The following CLCN7 variants were observed in gnomAD, a reference collection of about 807,000 sequenced individuals.
CLCN7 encodes the protein Cl-/H+ antiporter 7.
In CLCN7, 60 loss-of-function variants were observed where a neutral mutation model predicts 102.1. The observed-to-expected ratio is 0.59, with a 90% CI of 0.48 to 0.73. CLCN7 has a LOEUF of 0.73. Ranked by LOEUF, CLCN7 falls within the 30% of genes least tolerant of loss-of-function variation. CLCN7 has a pLI of 0.00. For synonymous variants in CLCN7, 560 were observed against 490.5 expected (o/e 1.14, Z -1.87); for missense variants, 962 against 1,125.7 (o/e 0.85, Z 2.08).
Position 1,457,520 on chromosome 16 carries a change from C to T in CLCN7, c.738+174G>A, listed in dbSNP as rs1000174399. 3.1e-4 allele frequency: 203 copies of T among 651,710 alleles called. No individual in the cohort carries two copies. Among genetic ancestry groups the T allele is most frequent in the South Asian group, 2.3e-3 (144 of 63,212 alleles). 40.4% of individuals were successfully genotyped at this position (651,710 alleles called of 1,614,324 possible). A position where few individuals can be genotyped will look rare whatever the true frequency, so the allele number is the denominator to read the frequency against. On this transcript the variant is annotated intron_variant, in intron 8 of 24. Transcript: ENST00000382745. The surrounding 1 kb of genome is among the most constrained non-coding windows in gnomAD (Gnocchi z 5.4). ...CCAGAAGGACCGGTGCTCAGAGACA[C>T]GCGTGACGCGGCCCTTCCTGGAGAC...
In CLCN7 at chr16:1,446,376, T is replaced by C. The variant is rs1596209252; in HGVS notation, c.*255A>G. Reference sequence around the variant, plus strand: ...CACACACACAGCTGATCCCTGGAGGTAAAGAAACCTAGACGAGGAGAGTGG... The same window carrying C: ...CACACACACAGCTGATCCCTGGAGGCAAAGAAACCTAGACGAGGAGAGTGG... On this transcript the variant is annotated 3_prime_UTR_variant, in exon 25 of 25. Transcript: ENST00000382745. 1.4e-6 allele frequency: 1 copy of C among 701,954 alleles called. No homozygotes were observed. The highest frequency in any genetic ancestry group is 1.7e-5 in the African/African-American group (1 of 57,232). 43.5% of individuals were successfully genotyped at this position (701,954 alleles called of 1,614,324 possible).
intron 11 of CLCN7, 99 bp from the exon 12 acceptor site, chr16:1,455,349 G>C (rs2038818317): frequency 1.2e-6 from 1 of 859,772 alleles, no homozygotes; most frequent in South Asian, 1.3e-5. Context: ...CAGCCCCGGG[G>C]CCAGGAGTCT....
chr16:1,446,414 C>A lies in CLCN7; in HGVS notation c.*217G>T, dbSNP rs748883273. On this transcript the variant is annotated 3_prime_UTR_variant, in exon 25 of 25. Coordinates refer to ENST00000382745, the MANE Select transcript of CLCN7 (RefSeq NM_001287.6). Reference sequence around the variant, plus strand: ...ACGAGGAGAGTGGAGGCTGGGCCTGCGCAAGGAGGCGCCAAGGGGGGAGAC... The same window carrying A: ...ACGAGGAGAGTGGAGGCTGGGCCTGAGCAAGGAGGCGCCAAGGGGGGAGAC... 1.0e-5 allele frequency: 7 copies of A among 702,550 alleles called. No homozygotes were observed. Among genetic ancestry groups the A allele is most frequent in the South Asian group, 8.9e-5 (6 of 67,604 alleles). The allele number at this position is 702,550 out of a possible 1,614,324, so 43.5% of individuals were successfully genotyped here.
rs747992697 is a variant in CLCN7 at position 1,447,725 on chromosome 16, G to A, written c.2014-11C>T. On this transcript the variant is annotated splice_polypyrimidine_tract_variant and intron_variant, in intron 21 of 24. Coordinates refer to ENST00000382745, the MANE Select transcript of CLCN7 (RefSeq NM_001287.6). ...CTGGAGCCGGGCAGGCTGCAAGACAGGCCCGCGGTCAGGGCCACGGGCCCG... is the reference window on the plus strand; with the variant it reads ...CTGGAGCCGGGCAGGCTGCAAGACAAGCCCGCGGTCAGGGCCACGGGCCCG... 6.4e-7 allele frequency: 1 copy of A among 1,550,558 alleles called. No individual in the cohort carries two copies. The highest frequency in any genetic ancestry group is 1.4e-5 in the African/African-American group (1 of 73,192).
Position 1,460,543 on chromosome 16 carries a change from G to C in CLCN7, c.485-16C>G, listed in dbSNP as rs1263941634. The C allele has an allele frequency of 6.3e-7, 1 of 1,594,674 alleles. No individual in the cohort carries two copies. The highest frequency in any genetic ancestry group is 8.6e-7 in the Non-Finnish European group (1 of 1,163,358). ...TTGTCGATATCTGGGGCTCATCAAG[G>C]AGGGCTGGCTGCTTCCCCGTCATGA... On this transcript the variant is annotated splice_polypyrimidine_tract_variant and intron_variant, in intron 5 of 24. Coordinates refer to ENST00000382745, the MANE Select transcript of CLCN7 (RefSeq NM_001287.6).
At position 1,446,628 on chromosome 16, in the gene CLCN7, G is replaced by T; in HGVS notation, c.*3C>A. The T allele has an allele frequency of 6.4e-7, 1 of 1,561,128 alleles. No individual in the cohort carries two copies. Among genetic ancestry groups the T allele is most frequent in the East Asian group, 2.4e-5 (1 of 41,444 alleles). On this transcript the variant is annotated 3_prime_UTR_variant, in exon 25 of 25. Coordinates refer to ENST00000382745, the MANE Select transcript of CLCN7 (RefSeq NM_001287.6). Reference sequence around the variant, plus strand: ...CAGTGCCCATTATGGGCAGGGCTGGGCCTCACGTCTGGGCCAGCGAGAGCT... The same window carrying T: ...CAGTGCCCATTATGGGCAGGGCTGGTCCTCACGTCTGGGCCAGCGAGAGCT...
chr16:1,474,931 C>G lies in CLCN7; in HGVS notation c.44G>C (p.Arg15Pro), dbSNP rs777887319. 3.6e-5 allele frequency: 53 copies of G among 1,480,532 alleles called. 1 individual carries two copies. The highest frequency in any genetic ancestry group is 4.5e-5 in the Non-Finnish European group (50 of 1,120,562). The allele number at this position is 1,480,532 out of a possible 1,614,324, so 91.7% of individuals were successfully genotyped here. The change falls in exon 1 of 25, where the codon CGG (arginine) becomes CCG (proline). Residue 15 changes from arginine (R) to proline (P), a missense_variant. By Grantham distance (103) the Arg-to-Pro change is moderately radical (BLOSUM62 -2). Transcript: ENST00000382745. ...CAGCGGCGCCGCCTCCTCGTCGTCC[C>G]GGTCCCGGCCGGACCAGGACACCTT... is the stretch of plus-strand genomic sequence containing the variant. The part of the protein sequence containing the change: ...SKKVSWSGRD[R>P]DDEEAAPLLR...
intron 7 of CLCN7, among the ~76,000 whole-genome samples, chr16:1,458,622 G>A (rs890548742): frequency 7.2e-5 from 11 of 152,264 alleles, no homozygotes; most frequent in Non-Finnish European, 1.2e-4. Context: ...CGGGGCTGCG[G>A]CAAGTCTCAG....
chr16:1,464,460 C>T (rs1191184203), intron 2 of CLCN7, among the ~76,000 whole-genome samples: 1 of 152,248 alleles, frequency 6.6e-6, no homozygotes, highest in Non-Finnish European at 1.5e-5. Context: ...CCTTGTGGCT[C>T]CAGAGGCAGC....
chr16:1,467,243 G>A (rs1239160393), intron 1 of CLCN7, among the ~76,000 whole-genome samples: 1 of 152,168 alleles, frequency 6.6e-6, no homozygotes, highest in Non-Finnish European at 1.5e-5. Context: ...GCATCTCCAC[G>A]CCCAGGGGAG....
intron 1 of CLCN7, among the ~76,000 whole-genome samples, chr16:1,466,391 A>G (rs950451437): frequency 3.3e-5 from 5 of 152,216 alleles, no homozygotes; most frequent in Non-Finnish European, 7.3e-5. Flanking sequence ...ATAGAACGGC[A>G]GGTGATGGCG....
intron 12 of CLCN7, 88 bp from the exon 13 acceptor site, chr16:1,454,553 A>G (rs2038804294): frequency 3.7e-5 from 47 of 1,286,852 alleles, no homozygotes; most frequent in Non-Finnish European, 4.6e-5. Context: ...CCATCTTAAG[A>G]GAGCTGTCCC....
intron 16 of CLCN7, among the ~76,000 whole-genome samples, chr16:1,450,938 G>A (rs1462940641): frequency 6.6e-6 from 1 of 152,226 alleles, no homozygotes; most frequent in Non-Finnish European, 1.5e-5. Flanking sequence ...GGGCGGCCCA[G>A]CTGGGTCTAG....
intron 23 of CLCN7, 64 bp downstream of exon 23, chr16:1,447,316 CCTCCCCGAGGCT>C (rs2038664537): frequency 3.5e-6 from 5 of 1,447,856 alleles, no homozygotes; most frequent in Non-Finnish European, 3.7e-6. Flanking sequence ...CCCGGCTGCC[CCTCCCCGAGGCT>C]CTGGACCCCA....
intron 5 of CLCN7, 54 bp downstream of exon 5, chr16:1,460,762 C>T (rs925042519): frequency 2.2e-5 from 35 of 1,612,204 alleles, no homozygotes; most frequent in Non-Finnish European, 2.6e-5. Context: ...GCCCGGGACT[C>T]GGCCCAGGCC....
chr16:1,447,024 C>A lies in CLCN7; in HGVS notation c.2313G>T (p.Val771=), dbSNP rs749714462. 7.5e-6 allele frequency: 12 copies of A among 1,599,952 alleles called. No individual in the cohort carries two copies. In the Admixed American group the frequency reaches 1.7e-4, roughly 22 times the overall value. Residue 771 remains valine (V), a synonymous_variant, in exon 24 of 25, where the codon GTG becomes GTT. Transcript: ENST00000382745. ...CGCTCACCTGATTGCGGTTGTCCAC[C>A]ACCACCAGGTGCCGCAGGCCCAGGG... ...FRALGLRHLV[V]VDNRNQVVGL... is the part of the protein sequence containing the mutation.
chr16:1,450,180 G>T (rs1325000998), intron 17 of CLCN7: 3 of 427,082 alleles, frequency 7.0e-6, no homozygotes, highest in Admixed American at 3.6e-5. Context: ...ACCCCATGGA[G>T]TCTAGAAACA....
Position 1,455,193 on chromosome 16 carries a change from C to T in CLCN7, c.1039G>A (p.Gly347Arg). The T allele has an allele frequency of 4.3e-6, 7 of 1,613,918 alleles. No individual in the cohort carries two copies. The highest frequency in any genetic ancestry group is 5.9e-6 in the Non-Finnish European group (7 of 1,179,892). Residue 347 changes from glycine to arginine, a missense_variant, in exon 12 of 25, where the codon GGG (glycine) becomes AGG (arginine). By Grantham distance (125) the Gly-to-Arg change is moderately radical (BLOSUM62 -2). Coordinates refer to ENST00000382745, the MANE Select transcript of CLCN7 (RefSeq NM_001287.6). ...TLNFVLSIYH[G>R]NMWDLSSPGL... The stretch of plus-strand genomic sequence containing the variant: ...GGGCTGGACAGGTCCCACATGTTCC[C>T]GTGGTAAATGCTCAGAACAAAATTC...
intron 1 of CLCN7, among the ~76,000 whole-genome samples, chr16:1,468,684 G>T (rs2039037304): frequency 6.6e-6 from 1 of 152,090 alleles, no homozygotes; most frequent in African/African-American, 2.4e-5. Context: ...AGGTCATCAG[G>T]GTTGGGAGTG....
Sources: allele counts gnomAD v4.1 joint callset (sites outside exome capture counted in the v4.1 genomes callset), GRCh38; gene constraint gnomAD v4.1.1; non-coding constraint Gnocchi (gnomAD v3.1); transcripts MANE v1.5; gene names NCBI Gene and HGNC (gene_info 2026-07-23, HGNC 2026-07-21).